The following SNCAIP variants were observed in gnomAD, a reference collection of about 807,000 sequenced individuals.
The protein encoded by SNCAIP is synuclein alpha interacting protein.
Under a neutral mutation model 86.7 loss-of-function variants are expected in SNCAIP, and 43 were observed. The observed-to-expected ratio is 0.50, with a 90% confidence interval of 0.39 to 0.64. SNCAIP has a LOEUF of 0.64. Among genes scored for constraint, SNCAIP ranks in the 30% least tolerant of loss-of-function variants. The pLI is 0.00. For missense variants in SNCAIP, 981 were observed against 1,103.1 expected, an observed-to-expected ratio of 0.89 and a Z score of 1.57; for synonymous variants, 417 against 427.2, an observed-to-expected ratio of 0.98 and a Z score of 0.29.
At chr5:122,338,029 C>T (rs545159358) in intron 1 of SNCAIP, among the ~76,000 whole-genome samples, 5 of 152,248 alleles carry the variant, frequency 3.3e-5, no homozygotes, top group Non-Finnish European at 7.3e-5. Context: ...TATTTTGAGT[C>T]ACATATATTC....
At chr5:122,432,144 T>C in intron 6 of SNCAIP, 62 bp downstream of exon 6, 1 of 769,492 alleles carries the variant, frequency 1.3e-6, no homozygotes, top group Non-Finnish European at 2.4e-6. Context: ...TACTTTTTTA[T>C]TATTAGTCCA....
intron 1 of SNCAIP, among the ~76,000 whole-genome samples, chr5:122,361,422 CT>C (rs34505963): frequency 0.88 from 134,248 of 152,172 alleles, 59,324 homozygotes; most frequent in Admixed American, 0.93. Flanking sequence ...CACTTCTAAC[CT>C]TACTTGCATT....
In SNCAIP at chr5:122,376,910, A is replaced by C. The variant is rs565088607; in HGVS notation, c.-46-14179A>C. Reference sequence around the variant, plus strand: ...ACTACGCAAAATCTTTTCAGCTGGGAGGCCGTCTATTCCTCCTTCACAATG... The same window carrying C: ...ACTACGCAAAATCTTTTCAGCTGGGCGGCCGTCTATTCCTCCTTCACAATG... On this transcript the variant is annotated intron_variant, in intron 1 of 10. Transcript: ENST00000261368. Among the ~76,000 whole-genome samples the C allele has an allele frequency of 3.3e-5, 5 of 152,252 alleles. No homozygotes were observed. The South Asian group carries it at 6.2e-4, about 19-fold the overall frequency.
At chr5:122,382,165 A>G (rs547533033) in intron 1 of SNCAIP, among the ~76,000 whole-genome samples, 23 of 152,206 alleles carry the variant, frequency 1.5e-4, no homozygotes, top group South Asian at 8.3e-4. Context: ...TCTCCCCATC[A>G]CTTTCAGGTA....
chr5:122,363,702 CTTGG>C (rs1413283036), intron 1 of SNCAIP, among the ~76,000 whole-genome samples: 16 of 150,782 alleles, frequency 1.1e-4, no homozygotes, highest in Admixed American at 2.6e-4. Flanking sequence ...AAAACCCCCT[CTTGG>C]TTGGTTTAAT....
chr5:122,333,428 A>C (rs1203452641), intron 1 of SNCAIP, among the ~76,000 whole-genome samples: 1 of 152,352 alleles, frequency 6.6e-6, no homozygotes, highest in South Asian at 2.1e-4. Context: ...CCTGCCTTGC[A>C]TAGCCAATGC....
chr5:122,351,536 CAAAAAAAAAAAAAAAAA>C (rs541191012), intron 1 of SNCAIP, among the ~76,000 whole-genome samples: 4 of 36,516 alleles, frequency 1.1e-4, no homozygotes, highest in African/African-American at 2.5e-4. Flanking sequence ...GACTCTGTAT[CAAAAAAAAAAAAAAAAA>C]AAAAAAAAAA....
At chr5:122,318,112 GCCT>G (rs1752162835) in intron 1 of SNCAIP, among the ~76,000 whole-genome samples, 1 of 152,082 alleles carries the variant, frequency 6.6e-6, no homozygotes, top group East Asian at 1.9e-4. Flanking sequence ...GGTGAGTCCT[GCCT>G]CCTCCTGTGG....
chr5:122,314,032 A>G (rs1751207566), intron 1 of SNCAIP, among the ~76,000 whole-genome samples: 1 of 152,242 alleles, frequency 6.6e-6, no homozygotes, highest in Admixed American at 6.5e-5. Context: ...TGCTGCATTC[A>G]TGAATTTGAC....
intron 1 of SNCAIP, among the ~76,000 whole-genome samples, chr5:122,351,304 A>C (rs1759722856): frequency 6.6e-6 from 1 of 152,084 alleles, no homozygotes; most frequent in African/African-American, 2.4e-5. Flanking sequence ...TGGGAGGCCA[A>C]GGCAGGCAGA....
At chr5:122,365,441 G>A (rs887088386) in intron 1 of SNCAIP, among the ~76,000 whole-genome samples, 2 of 152,212 alleles carry the variant, frequency 1.3e-5, no homozygotes, top group African/African-American at 4.8e-5. Context: ...CACTGTGGGA[G>A]GCCGAGGCAG....
intron 1 of SNCAIP, among the ~76,000 whole-genome samples, chr5:122,343,324 G>A (rs1327144136): frequency 6.6e-6 from 1 of 152,128 alleles, no homozygotes. Context: ...GTTACTGCCT[G>A]AAATCTTTTA....
intron 10 of SNCAIP, among the ~76,000 whole-genome samples, chr5:122,460,950 C>A (rs566646811): frequency 3.9e-5 from 6 of 152,288 alleles, no homozygotes; most frequent in African/African-American, 1.2e-4. Context: ...CTGGGAATTC[C>A]TTGTGCTTCT....
At chr5:122,461,850 G>T (rs1786398532) in intron 10 of SNCAIP, among the ~76,000 whole-genome samples, 1 of 151,684 alleles carries the variant, frequency 6.6e-6, no homozygotes, top group Admixed American at 6.6e-5. Context: ...TGTATTTTTG[G>T]TAGAGACAGG....
At chr5:122,353,985 C>T (rs1413820778) in intron 1 of SNCAIP, among the ~76,000 whole-genome samples, 3 of 152,158 alleles carry the variant, frequency 2.0e-5, no homozygotes, top group Non-Finnish European at 4.4e-5. Context: ...AATTATACAG[C>T]TACTTGTTGA....
At chr5:122,420,064 T>C (rs1776069969) in intron 3 of SNCAIP, among the ~76,000 whole-genome samples, 1 of 152,198 alleles carries the variant, frequency 6.6e-6, no homozygotes, top group Non-Finnish European at 1.5e-5. Context: ...TTTTCATTCC[T>C]GGGATGTCTT....
intron 10 of SNCAIP, among the ~76,000 whole-genome samples, chr5:122,458,187 A>T (rs961003711): frequency 2.6e-5 from 4 of 152,180 alleles, no homozygotes; most frequent in East Asian, 1.9e-4. Flanking sequence ...GGAGGCAGGA[A>T]ATGAATGTGT....
intron 3 of SNCAIP, among the ~76,000 whole-genome samples, chr5:122,418,193 C>T (rs1171886995): frequency 6.6e-6 from 1 of 152,164 alleles, no homozygotes; most frequent in Admixed American, 6.5e-5. Flanking sequence ...ATTTGGGAAT[C>T]ATGAGTGCTG....
At chr5:122,368,120 A>G (rs1763546922) in intron 1 of SNCAIP, among the ~76,000 whole-genome samples, 1 of 152,160 alleles carries the variant, frequency 6.6e-6, no homozygotes, top group South Asian at 2.1e-4. Context: ...AGATTGGCCT[A>G]GAGAGTGGCA....
Sources: allele counts gnomAD v4.1 joint callset (sites outside exome capture counted in the v4.1 genomes callset), GRCh38; gene constraint gnomAD v4.1.1; transcripts MANE v1.5; gene names NCBI Gene and HGNC (gene_info 2026-07-23, HGNC 2026-07-21).